The following ACOX2 variants were observed in gnomAD, a reference collection of about 807,000 sequenced individuals.
ACOX2 encodes peroxisomal acyl-coenzyme A oxidase 2.
A neutral mutation model predicts 77.5 loss-of-function variants in ACOX2; 59 were observed. The ratio of observed to expected loss-of-function variants is 0.76; its 90% CI spans 0.62 to 0.95. ACOX2 has a LOEUF of 0.95. ACOX2 is among the 40% of genes least tolerant of loss of function. The pLI, the probability that ACOX2 is intolerant of heterozygous loss-of-function variation, is 0.00. For missense variants in ACOX2, 837 were observed against 880.4 expected (o/e 0.95, Z 0.62); for synonymous variants, 317 against 340.1 (o/e 0.93, Z 0.75).
Position 58,521,335 on chromosome 3 carries a change from A to G in ACOX2, c.1632+1161T>C, listed in dbSNP as rs1460018033. 6.6e-6 allele frequency among the ~76,000 whole-genome samples: 1 copy of G among 152,082 alleles called. No homozygotes were observed. Among genetic ancestry groups the G allele is most frequent in the Admixed American group, 6.5e-5 (1 of 15,270 alleles). On this transcript the variant is annotated intron_variant, in intron 12 of 14. Coordinates refer to ENST00000302819, the MANE Select transcript of ACOX2 (RefSeq NM_003500.4). This position sits in a 1 kb window ranked among gnomAD's most constrained non-coding sequence, Gnocchi z 4.8. ...AGGGCTCTCCTGTTCCAAGGCTGCC[A>G]TTTTCTGGGTCTGAGGCCTGAGGAT...
chr3:58,534,135 C>T lies in ACOX2; in HGVS notation c.334G>A (p.Gly112Arg), dbSNP rs62621177. 3.7e-6 allele frequency: 6 copies of T among 1,614,192 alleles called. No individual in the cohort carries two copies. Among genetic ancestry groups the T allele is most frequent in the Non-Finnish European group, 5.1e-6 (6 of 1,180,042 alleles). The change falls in exon 4 of 15, where the codon GGA (glycine) becomes AGA (arginine). Residue 112 changes from glycine (G) to arginine (R), a missense_variant. By Grantham distance (125) the Gly-to-Arg change is moderately radical. Coordinates refer to ENST00000302819, the MANE Select transcript of ACOX2 (RefSeq NM_003500.4). This position sits in a 1 kb window ranked among gnomAD's most constrained non-coding sequence, Gnocchi z 4.8. ...CTGTGTATATTTAAGGCCACGTCTC[C>T]AGAAAGGGCTCTGTTGGGGAGAGAT... ...ELGYAYRALS[G>R]DVALNIHRVF...
Position 58,524,648 on chromosome 3 carries a change from G to A in ACOX2, c.1347-43C>T. Reference sequence around the variant, plus strand: ...AGGCAGGTGAGAGGGCAGAGACTCTGTGAGACAGCCCAGCACCCCTCACTC... The same window carrying A: ...AGGCAGGTGAGAGGGCAGAGACTCTATGAGACAGCCCAGCACCCCTCACTC... On this transcript the variant is annotated intron_variant, in intron 10 of 14. Coordinates refer to ENST00000302819, the MANE Select transcript of ACOX2 (RefSeq NM_003500.4). The surrounding 1 kb of genome is among the most constrained non-coding windows in gnomAD (Gnocchi z 5.5). The A allele has an allele frequency of 6.3e-7, 1 of 1,589,290 alleles. No homozygotes were observed. Among genetic ancestry groups the A allele is most frequent in the Non-Finnish European group, 8.6e-7 (1 of 1,163,650 alleles).
At position 58,533,674 on chromosome 3, in the gene ACOX2, G is replaced by A; in HGVS notation, c.476-122C>T. 1 of 852,476 alleles carries A rather than the reference G, an allele frequency of 1.2e-6. No homozygotes were observed. The highest frequency in any genetic ancestry group is 1.9e-6 in the Non-Finnish European group (1 of 531,678). The allele number at this position is 852,476 out of a possible 1,614,324, so 52.8% of individuals were successfully genotyped here. Reference sequence around the variant, plus strand: ...AGTATGGAGTGGGGCCCAGCTCCCAGCTGTACTTGCAGGCAGTTCTCCCCT... The same window carrying A: ...AGTATGGAGTGGGGCCCAGCTCCCAACTGTACTTGCAGGCAGTTCTCCCCT... On this transcript the variant is annotated intron_variant, in intron 4 of 14. Transcript: ENST00000302819. This position sits in a 1 kb window ranked among gnomAD's most constrained non-coding sequence, Gnocchi z 5.6.
In ACOX2 at chr3:58,515,626, T is replaced by C. The variant is rs1445426501; in HGVS notation, c.1850+1580A>G. 6.6e-6 allele frequency among the ~76,000 whole-genome samples: 1 copy of C among 152,184 alleles called. No homozygotes were observed. Among genetic ancestry groups the C allele is most frequent in the African/African-American group, 2.4e-5 (1 of 41,440 alleles). On this transcript the variant is annotated intron_variant, in intron 13 of 14. Coordinates refer to ENST00000302819, the MANE Select transcript of ACOX2 (RefSeq NM_003500.4). The surrounding 1 kb of genome is among the most constrained non-coding windows in gnomAD (Gnocchi z 4.0). ...TTTTTCTTTTTATTAGTCTTGTTGATATAAGAATTGTTGGAGATTCTAGGA... is the reference window on the plus strand; with the variant it reads ...TTTTTCTTTTTATTAGTCTTGTTGACATAAGAATTGTTGGAGATTCTAGGA...
At chr3:58,532,100 C>G (rs2063444663) in intron 5 of ACOX2, among the ~76,000 whole-genome samples, 1 of 152,082 alleles carries the variant, frequency 6.6e-6, no homozygotes, top group African/African-American at 2.4e-5. Context: ...TTATCAAAAT[C>G]TAGGTGGCGC....
intron 1 of ACOX2, 47 bp downstream of exon 1, chr3:58,537,072 C>G (rs906132566): frequency 1.3e-5 from 2 of 152,762 alleles, no homozygotes; most frequent in African/African-American, 4.8e-5. Flanking sequence ...GGGCAGCCCT[C>G]TCCTCTGGGG....
At position 58,534,806 on chromosome 3, in the gene ACOX2, A is replaced by C; in HGVS notation, c.160+141T>G. 3 of 1,428,168 alleles carry C rather than the reference A, an allele frequency of 2.1e-6. No homozygotes were observed. In the South Asian group the frequency reaches 3.7e-5, roughly 18 times the overall value. The allele number at this position is 1,428,168 out of a possible 1,614,324, so 88.5% of individuals were successfully genotyped here. ...ATTGACATGTGAAGATTGTCTTTAC[A>C]GTTCGAAGGAATGAATCTCTAACAG... is the stretch of plus-strand genomic sequence containing the variant. On this transcript the variant is annotated intron_variant, in intron 2 of 14. Transcript: ENST00000302819. This position sits in a 1 kb window ranked among gnomAD's most constrained non-coding sequence, Gnocchi z 4.8.
In ACOX2 at chr3:58,533,388, C is replaced by T; in HGVS notation, c.583+57G>A. 2 of 1,491,162 alleles carry T rather than the reference C, an allele frequency of 1.3e-6. No individual in the cohort carries two copies. Among genetic ancestry groups the T allele is most frequent in the Non-Finnish European group, 1.9e-6 (2 of 1,071,794 alleles). 92.4% of individuals were successfully genotyped at this position (1,491,162 alleles called of 1,614,324 possible). A position where few individuals can be genotyped will look rare whatever the true frequency, so the allele number is the denominator to read the frequency against. On this transcript the variant is annotated intron_variant, in intron 5 of 14. Coordinates refer to ENST00000302819, the MANE Select transcript of ACOX2 (RefSeq NM_003500.4). This position sits in a 1 kb window ranked among gnomAD's most constrained non-coding sequence, Gnocchi z 5.6. ...GACCTCAAAGCCAGTGCTACTCTGC[C>T]CTCCAACATTCTTCTACTTGGGGAG...
Position 58,534,363 on chromosome 3 carries a change from T to G in ACOX2, c.320A>C (p.Tyr107Ser), listed in dbSNP as rs780702894. The G allele has an allele frequency of 3.7e-6, 6 of 1,614,194 alleles. No homozygotes were observed. Among genetic ancestry groups the G allele is most frequent in the Non-Finnish European group, 5.1e-6 (6 of 1,180,034 alleles). ...LEDGRELGYA[Y>S]RALSGDVALN... ...GGGCTGCTCGAGGAGTGAGCACCTGTAAGCGTAGCCTAATTCACGACCATC... is the reference window on the plus strand; with the variant it reads ...GGGCTGCTCGAGGAGTGAGCACCTGGAAGCGTAGCCTAATTCACGACCATC... Residue 107 changes from tyrosine to serine, a missense_variant, in exon 3 of 15, where the codon TAC (tyrosine) becomes TCC (serine). Transcript: ENST00000302819. This position sits in a 1 kb window ranked among gnomAD's most constrained non-coding sequence, Gnocchi z 4.8.
intron 8 of ACOX2, 66 bp downstream of exon 8, chr3:58,530,399 CA>C: frequency 1.9e-6 from 3 of 1,566,436 alleles, no homozygotes; most frequent in East Asian, 2.2e-5. Flanking sequence ...AGGGTGGTGT[CA>C]GGGGGAGGCA....
In ACOX2 at chr3:58,533,905, T is replaced by C. The variant is rs2108012136; in HGVS notation, c.475+89A>G. ...TATTAAACATATGTCCCTCGGAGCATATGAACCTATGACTACCTAGATGTA... is the reference window on the plus strand; with the variant it reads ...TATTAAACATATGTCCCTCGGAGCACATGAACCTATGACTACCTAGATGTA... On this transcript the variant is annotated intron_variant, in intron 4 of 14. Transcript: ENST00000302819. The surrounding 1 kb of genome is among the most constrained non-coding windows in gnomAD (Gnocchi z 5.6). 6.7e-7 allele frequency: 1 copy of C among 1,501,420 alleles called. No homozygotes were observed. The highest frequency in any genetic ancestry group is 1.2e-5 in the South Asian group (1 of 82,194). The allele number at this position is 1,501,420 out of a possible 1,614,324, so 93.0% of individuals were successfully genotyped here.
Position 58,505,317 on chromosome 3 carries a change from CAG to C in ACOX2, c.1984-33_1984-32del, listed in dbSNP as rs767551395. 1.9e-6 allele frequency: 3 copies of C among 1,549,514 alleles called. No homozygotes were observed. The South Asian group carries it at 3.6e-5, about 19-fold the overall frequency. ...TGTAGAAAGAAACGCATTATTAACA[CAG>C]TACATTTCTGCCAGGATTAATGACT... On this transcript the variant is annotated intron_variant, in intron 14 of 14. Coordinates refer to ENST00000302819, the MANE Select transcript of ACOX2 (RefSeq NM_003500.4). The surrounding 1 kb of genome is among the most constrained non-coding windows in gnomAD (Gnocchi z 4.4).
chr3:58,520,944 C>T (rs201968254), intron 12 of ACOX2, among the ~76,000 whole-genome samples: 1 of 152,180 alleles, frequency 6.6e-6, no homozygotes. Context: ...TCTTTCCTCA[C>T]CCTTGAAGTG....
rs185292227 is a variant in ACOX2, at chr3:58,511,283, C to T, written c.1851-2258G>A. 63 of 344,970 alleles carry T rather than the reference C, an allele frequency of 1.8e-4. No individual in the cohort carries two copies. The Admixed American group carries it at 2.6e-3, about 14-fold the overall frequency. The allele number at this position is 344,970 out of a possible 1,614,324, so 21.4% of individuals were successfully genotyped here. On this transcript the variant is annotated intron_variant, in intron 13 of 14. Transcript: ENST00000302819. Reference sequence around the variant, plus strand: ...GTGGAAATGCCCTTCTTTCTTTTTACTGTAGGCCTGGCTGGTTGCTGTCAA... The same window carrying T: ...GTGGAAATGCCCTTCTTTCTTTTTATTGTAGGCCTGGCTGGTTGCTGTCAA...
At position 58,523,756 on chromosome 3, in the gene ACOX2, G is replaced by A. The variant is rs1275689367; in HGVS notation, c.1526+670C>T. 4.6e-5 allele frequency among the ~76,000 whole-genome samples: 7 copies of A among 151,998 alleles called. No individual in the cohort carries two copies. The East Asian group carries it at 7.7e-4, about 17-fold the overall frequency. On this transcript the variant is annotated intron_variant, in intron 11 of 14. Coordinates refer to ENST00000302819, the MANE Select transcript of ACOX2 (RefSeq NM_003500.4). The surrounding 1 kb of genome is among the most constrained non-coding windows in gnomAD (Gnocchi z 5.3). ...CAGCCACCATGCCCAGCCTGTTTTCGGTGTTTTAATTTGGGGGCAGCATTC... is the reference window on the plus strand; with the variant it reads ...CAGCCACCATGCCCAGCCTGTTTTCAGTGTTTTAATTTGGGGGCAGCATTC...
chr3:58,524,754 C>A lies in ACOX2; in HGVS notation c.1347-149G>T. On this transcript the variant is annotated intron_variant, in intron 10 of 14. Transcript: ENST00000302819. This position sits in a 1 kb window ranked among gnomAD's most constrained non-coding sequence, Gnocchi z 5.5. Reference sequence around the variant, plus strand: ...ACCAGGCCTCTGCCTGGCCTCCCTCCTGAGGGTTCCCCCTCGGGCCGTCCT... The same window carrying A: ...ACCAGGCCTCTGCCTGGCCTCCCTCATGAGGGTTCCCCCTCGGGCCGTCCT... The A allele has an allele frequency of 2.3e-6, 2 of 884,418 alleles. No individual in the cohort carries two copies. The highest frequency in any genetic ancestry group is 1.7e-5 in the South Asian group (1 of 57,346). 54.8% of individuals were successfully genotyped at this position (884,418 alleles called of 1,614,324 possible).
rs1478999885 is a variant in ACOX2, at chr3:58,530,628, T to C, written c.830A>G (p.Asp277Gly). The change falls in exon 8 of 15, where the codon GAT becomes GGT. Residue 277 changes from aspartate (D) to glycine (G), a missense_variant. Physicochemically the swap from Asp to Gly is moderately conservative, Grantham distance 94. Coordinates refer to ENST00000302819, the MANE Select transcript of ACOX2 (RefSeq NM_003500.4). ...TGTACCGAGTTTGACGTAGGTGCCA[T>C]CTGGCAAGACCTGTGTGGAACAAGG... ...MLSRFAQVLP[D>G]GTYVKLGTAQ... is the part of the protein sequence containing the mutation. 1.9e-6 allele frequency: 3 copies of C among 1,614,078 alleles called. No homozygotes were observed. The highest frequency in any genetic ancestry group is 1.7e-4 in the Middle Eastern group (1 of 6,060).
Position 58,515,758 on chromosome 3 carries a change from T to C in ACOX2, c.1850+1448A>G, listed in dbSNP as rs148577433. ...TTTTTTTTAATCTTATGGACAATGG[T>C]AAATAATTTGCAATGTTTTCTTTTC... On this transcript the variant is annotated intron_variant, in intron 13 of 14. Transcript: ENST00000302819. This position sits in a 1 kb window ranked among gnomAD's most constrained non-coding sequence, Gnocchi z 4.0. Among the ~76,000 whole-genome samples, 127 of 152,276 alleles carry C rather than the reference T, an allele frequency of 8.3e-4. No homozygotes were observed. The highest frequency in any genetic ancestry group is 1.8e-3 in the Non-Finnish European group (120 of 68,028).
At position 58,515,923 on chromosome 3, in the gene ACOX2, G is replaced by A. The variant is rs2063319124; in HGVS notation, c.1850+1283C>T. ...CTCCCGAGTAGCTGAGACTACAGGTGTGTGCCTGATTCATTTTTTGTAGAG... is the reference window on the plus strand; with the variant it reads ...CTCCCGAGTAGCTGAGACTACAGGTATGTGCCTGATTCATTTTTTGTAGAG... On this transcript the variant is annotated intron_variant, in intron 13 of 14. Coordinates refer to ENST00000302819, the MANE Select transcript of ACOX2 (RefSeq NM_003500.4). This position sits in a 1 kb window ranked among gnomAD's most constrained non-coding sequence, Gnocchi z 4.0. Among the ~76,000 whole-genome samples, 1 of 151,778 alleles carries A rather than the reference G, an allele frequency of 6.6e-6. No individual in the cohort carries two copies. Among genetic ancestry groups the A allele is most frequent in the Non-Finnish European group, 1.5e-5 (1 of 67,962 alleles).
Sources: gnomAD v4.1 joint callset for allele counts (sites outside exome capture counted in the v4.1 genomes callset) on GRCh38, gnomAD v4.1.1 for gene constraint, Gnocchi (gnomAD v3.1) non-coding constraint, MANE v1.5 for transcripts, NCBI Gene and HGNC (gene_info 2026-07-23, HGNC 2026-07-21) for gene names.